H1-4: variants seen among roughly 807,000 people sequenced by gnomAD.
H1-4 encodes the protein H1.4 linker histone, cluster member.
H1-4 carries 9 observed loss-of-function variants against 7.2 expected under a neutral mutation model. The ratio of observed to expected loss-of-function variants is 1.25; its 90% CI spans 0.75 to 2.18. The LOEUF (loss-of-function observed/expected upper bound fraction) is 2.18, where lower values mean the gene tolerates loss of function less well. Ranked by LOEUF, H1-4 falls within the 30% of genes most tolerant of loss-of-function variation. The pLI is 0.00. For missense variants in H1-4, 646 were observed against 287.9 expected, an observed-to-expected ratio of 2.24 and a Z score of -9.00; for synonymous variants, 318 against 126.6, an observed-to-expected ratio of 2.51 and a Z score of -10.15.
chr6:26,156,599 G>C lies in H1-4; in HGVS notation c.209G>C (p.Gly70Ala), dbSNP rs374717617. ...AALKKALAAAGYDVEKNNSRI... is the reference protein window; with the variant it reads ...AALKKALAAAAYDVEKNNSRI... Reference sequence around the variant, plus strand: ...CTCAAGAAAGCGCTGGCAGCCGCTGGCTATGACGTGGAGAAGAACAACAGC... The same window carrying C: ...CTCAAGAAAGCGCTGGCAGCCGCTGCCTATGACGTGGAGAAGAACAACAGC... The change falls in exon 1 of 1, where the codon GGC becomes GCC. Residue 70 changes from glycine (G) to alanine (A), a missense_variant. Gly to Ala is a moderately conservative substitution (Grantham distance 60, BLOSUM62 0). Coordinates refer to ENST00000304218, the MANE Select transcript of H1-4 (RefSeq NM_005321.3). The C allele has an allele frequency of 6.2e-7, 1 of 1,614,226 alleles. No homozygotes were observed. The highest frequency in any genetic ancestry group is 8.5e-7 in the Non-Finnish European group (1 of 1,180,034).
In H1-4 at chr6:26,157,057, C is replaced by T. The variant is rs180689380; in HGVS notation, c.*7C>T. The T allele has an allele frequency of 1.3e-5, 21 of 1,578,572 alleles. No individual in the cohort carries two copies. The highest frequency in any genetic ancestry group is 4.5e-5 in the East Asian group (2 of 44,778). On this transcript the variant is annotated 3_prime_UTR_variant, in exon 1 of 1. Transcript: ENST00000304218. ...GGCAGCCAAGAAAAAGTAGAAAGTTCCTTTGGCCAACTGCTTAGAAGCCCA... is the reference window on the plus strand; with the variant it reads ...GGCAGCCAAGAAAAAGTAGAAAGTTTCTTTGGCCAACTGCTTAGAAGCCCA...
rs1299356360 is a variant in H1-4, at chr6:26,156,920, A to C, written c.530A>C (p.Lys177Thr). 1 of 1,611,246 alleles carries C rather than the reference A, an allele frequency of 6.2e-7. No individual in the cohort carries two copies. The highest frequency in any genetic ancestry group is 8.5e-7 in the Non-Finnish European group (1 of 1,179,520). Residue 177 changes from lysine (K) to threonine (T), a missense_variant, in exon 1 of 1, where the codon AAA (lysine) becomes ACA (threonine). By Grantham distance (78) the Lys-to-Thr change is moderately conservative. Coordinates refer to ENST00000304218, the MANE Select transcript of H1-4 (RefSeq NM_005321.3). ...AAAGCGAAAAGCCCGAAAAAGGCGA[A>C]AGCAGCCAAGCCAAAAAAGGCGCCC... ...AKKAKSPKKA[K>T]AAKPKKAPKS...
At position 26,157,018 on chromosome 6, in the gene H1-4, A is replaced by C. The variant is rs971662980; in HGVS notation, c.628A>C (p.Lys210Gln). 6.3e-7 allele frequency: 1 copy of C among 1,585,026 alleles called. No homozygotes were observed. The highest frequency in any genetic ancestry group is 1.4e-5 in the African/African-American group (1 of 72,730). The change falls in exon 1 of 1, where the codon AAG becomes CAG. Residue 210 changes from lysine to glutamine, a missense_variant. Lys to Gln is a moderately conservative substitution (Grantham distance 53). Coordinates refer to ENST00000304218, the MANE Select transcript of H1-4 (RefSeq NM_005321.3). ...KPKTAKPKAAKPKKAAAKKK is the reference protein window; with the variant it reads ...KPKTAKPKAAQPKKAAAKKK ...AAAGACCGCCAAGCCCAAGGCAGCCAAGCCAAAGAAGGCGGCAGCCAAGAA... is the reference window on the plus strand; with the variant it reads ...AAAGACCGCCAAGCCCAAGGCAGCCCAGCCAAAGAAGGCGGCAGCCAAGAA...
rs577879962 is a variant in H1-4 at position 26,156,938 on chromosome 6, A to G, written c.548A>G (p.Lys183Arg). The G allele has an allele frequency of 5.1e-5, 83 of 1,612,410 alleles. No individual in the cohort carries two copies. Among genetic ancestry groups the G allele is most frequent in the Middle Eastern group, 3.9e-4 (2 of 5,186 alleles). Residue 183 changes from lysine to arginine, a missense_variant, in exon 1 of 1, where the codon AAG becomes AGG. Transcript: ENST00000304218. ...AAGGCGAAAGCAGCCAAGCCAAAAAAGGCGCCCAAGAGCCCAGCGAAGGCC... is the reference window on the plus strand; with the variant it reads ...AAGGCGAAAGCAGCCAAGCCAAAAAGGGCGCCCAAGAGCCCAGCGAAGGCC... ...PKKAKAAKPK[K>R]APKSPAKAKA...
rs1226896448 is a variant in H1-4, at chr6:26,156,570, C to T, written c.180C>T (p.Ala60=). ...AGGAGCGCAGCGGCGTATCTTTGGC[C>T]GCTCTCAAGAAAGCGCTGGCAGCCG... ...ASKERSGVSL[A]ALKKALAAAG... The change falls in exon 1 of 1, where the codon GCC becomes GCT. Residue 60 remains alanine (A), a synonymous_variant. Coordinates refer to ENST00000304218, the MANE Select transcript of H1-4 (RefSeq NM_005321.3). The T allele has an allele frequency of 6.2e-6, 10 of 1,614,034 alleles. No homozygotes were observed. Among genetic ancestry groups the T allele is most frequent in the South Asian group, 1.1e-5 (1 of 91,092 alleles).
Position 26,156,681 on chromosome 6 carries a change from G to C in H1-4, c.291G>C (p.Lys97Asn), listed in dbSNP as rs774052008. 6.2e-7 allele frequency: 1 copy of C among 1,614,254 alleles called. No homozygotes were observed. The highest frequency in any genetic ancestry group is 1.3e-5 in the African/African-American group (1 of 75,086). The change falls in exon 1 of 1, where the codon AAG becomes AAC. Residue 97 changes from lysine (K) to asparagine (N), a missense_variant. Lys to Asn is a moderately conservative substitution (Grantham distance 94). Transcript: ENST00000304218. ...GCAAGGGCACCCTGGTGCAGACCAA[G>C]GGCACCGGCGCGTCGGGTTCCTTCA... Reference protein sequence around the residue: ...LVSKGTLVQTKGTGASGSFKL... With the variant: ...LVSKGTLVQTNGTGASGSFKL...
Position 26,156,793 on chromosome 6 carries a change from G to C in H1-4, c.403G>C (p.Ala135Pro). ...CAAGGCCAAGAAGCCAGCAGGAGCGGCGAAGAAGCCCAAGAAGGCGACGGG... is the reference window on the plus strand; with the variant it reads ...CAAGGCCAAGAAGCCAGCAGGAGCGCCGAAGAAGCCCAAGAAGGCGACGGG... Reference protein sequence around the residue: ...AAKAKKPAGAAKKPKKATGAA... With the variant: ...AAKAKKPAGAPKKPKKATGAA... Residue 135 changes from alanine (A) to proline (P), a missense_variant, in exon 1 of 1, where the codon GCG (alanine) becomes CCG (proline). Transcript: ENST00000304218. The C allele has an allele frequency of 1.2e-6, 2 of 1,611,542 alleles. No individual in the cohort carries two copies. The highest frequency in any genetic ancestry group is 1.1e-5 in the South Asian group (1 of 90,920).
In H1-4 at chr6:26,156,850, A is replaced by C. The variant is rs764900305; in HGVS notation, c.460A>C (p.Thr154Pro). 1 of 1,606,368 alleles carries C rather than the reference A, an allele frequency of 6.2e-7. No individual in the cohort carries two copies. Among genetic ancestry groups the C allele is most frequent in the Middle Eastern group, 1.8e-4 (1 of 5,442 alleles). The change falls in exon 1 of 1, where the codon ACC becomes CCC. Residue 154 changes from threonine to proline, a missense_variant. Transcript: ENST00000304218. Reference protein sequence around the residue: ...AATPKKSAKKTPKKAKKPAAA... With the variant: ...AATPKKSAKKPPKKAKKPAAA... ...CACCCCCAAGAAGAGCGCCAAGAAG[A>C]CCCCAAAGAAGGCGAAGAAGCCGGC...
chr6:26,156,984 G>C lies in H1-4; in HGVS notation c.594G>C (p.Ala198=), dbSNP rs751694148. The change falls in exon 1 of 1, where the codon GCG becomes GCC. Residue 198 remains alanine, a synonymous_variant. Transcript: ENST00000304218. ...PAKAKAVKPK[A]AKPKTAKPKA... The stretch of plus-strand genomic sequence containing the variant: ...AGGCCAAAGCAGTTAAACCCAAGGC[G>C]GCTAAACCAAAGACCGCCAAGCCCA... 6.2e-7 allele frequency: 1 copy of C among 1,607,608 alleles called. No homozygotes were observed. The highest frequency in any genetic ancestry group is 8.5e-7 in the Non-Finnish European group (1 of 1,178,654).
rs1233751189 is a variant in H1-4, at chr6:26,156,709, C to G, written c.319C>G (p.Leu107Val). The G allele has an allele frequency of 3.7e-6, 6 of 1,614,116 alleles. No homozygotes were observed. Among genetic ancestry groups the G allele is most frequent in the Admixed American group, 1.7e-5 (1 of 60,004 alleles). ...KGTGASGSFK[L>V]NKKAASGEAK... ...CACCGGCGCGTCGGGTTCCTTCAAA[C>G]TCAACAAGAAGGCGGCCTCTGGGGA... is the stretch of plus-strand genomic sequence containing the variant. Residue 107 changes from leucine (L) to valine (V), a missense_variant, in exon 1 of 1, where the codon CTC becomes GTC. Coordinates refer to ENST00000304218, the MANE Select transcript of H1-4 (RefSeq NM_005321.3).
rs1318259138 is a variant in H1-4 at position 26,156,461 on chromosome 6, C to T, written c.71C>T (p.Ala24Val). ...GAGAAGACTCCCGTGAAGAAGAAGG[C>T]CCGCAAGTCTGCAGGTGCGGCCAAG... is the stretch of plus-strand genomic sequence containing the variant. ...PAEKTPVKKK[A>V]RKSAGAAKRK... Residue 24 changes from alanine (A) to valine (V), a missense_variant, in exon 1 of 1, where the codon GCC becomes GTC. Transcript: ENST00000304218. 6 of 1,612,548 alleles carry T rather than the reference C, an allele frequency of 3.7e-6. No homozygotes were observed. The highest frequency in any genetic ancestry group is 1.7e-5 in the Admixed American group (1 of 59,948).
rs151006379 is a variant in H1-4, at chr6:26,157,035, A to T, written c.645A>T (p.Ala215=). 1.5e-4 allele frequency: 242 copies of T among 1,581,608 alleles called. 3 individuals are homozygous for T. The highest frequency in any genetic ancestry group is 9.6e-4 in the East Asian group (43 of 44,780). Residue 215 remains alanine (A), a synonymous_variant, in exon 1 of 1, where the codon GCA becomes GCT. Transcript: ENST00000304218. ...KPKAAKPKKA[A]AKKK ...AGGCAGCCAAGCCAAAGAAGGCGGC[A>T]GCCAAGAAAAAGTAGAAAGTTCCTT...
rs758313173 is a variant in H1-4, at chr6:26,156,857, A to C, written c.467A>C (p.Lys156Thr). 6.2e-7 allele frequency: 1 copy of C among 1,607,610 alleles called. No homozygotes were observed. Among genetic ancestry groups the C allele is most frequent in the Non-Finnish European group, 8.5e-7 (1 of 1,177,582 alleles). The change falls in exon 1 of 1, where the codon AAG (lysine) becomes ACG (threonine). Residue 156 changes from lysine (K) to threonine (T), a missense_variant. Physicochemically the swap from Lys to Thr is moderately conservative, Grantham distance 78 (BLOSUM62 -1). Transcript: ENST00000304218. ...AAGAAGAGCGCCAAGAAGACCCCAA[A>C]GAAGGCGAAGAAGCCGGCTGCAGCT... ...TPKKSAKKTP[K>T]KAKKPAAAAG...
In H1-4 at chr6:26,156,975, A is replaced by C. The variant is rs776253773; in HGVS notation, c.585A>C (p.Lys195Asn). 1 of 1,610,552 alleles carries C rather than the reference A, an allele frequency of 6.2e-7. No homozygotes were observed. Among genetic ancestry groups the C allele is most frequent in the Admixed American group, 1.7e-5 (1 of 59,134 alleles). Reference sequence around the variant, plus strand: ...GCCCAGCGAAGGCCAAAGCAGTTAAACCCAAGGCGGCTAAACCAAAGACCG... The same window carrying C: ...GCCCAGCGAAGGCCAAAGCAGTTAACCCCAAGGCGGCTAAACCAAAGACCG... ...PKSPAKAKAVKPKAAKPKTAK... is the reference protein window; with the variant it reads ...PKSPAKAKAVNPKAAKPKTAK... The change falls in exon 1 of 1, where the codon AAA becomes AAC. Residue 195 changes from lysine to asparagine, a missense_variant. Physicochemically the swap from Lys to Asn is moderately conservative, Grantham distance 94. Coordinates refer to ENST00000304218, the MANE Select transcript of H1-4 (RefSeq NM_005321.3).
Position 26,156,697 on chromosome 6 carries a change from G to C in H1-4, c.307G>C (p.Gly103Arg), listed in dbSNP as rs1332633285. 2 of 1,614,236 alleles carry C rather than the reference G, an allele frequency of 1.2e-6. No individual in the cohort carries two copies. The highest frequency in any genetic ancestry group is 1.1e-5 in the South Asian group (1 of 91,086). ...GCAGACCAAGGGCACCGGCGCGTCG[G>C]GTTCCTTCAAACTCAACAAGAAGGC... is the stretch of plus-strand genomic sequence containing the variant. Reference protein sequence around the residue: ...LVQTKGTGASGSFKLNKKAAS... With the variant: ...LVQTKGTGASRSFKLNKKAAS... The change falls in exon 1 of 1, where the codon GGT (glycine) becomes CGT (arginine). Residue 103 changes from glycine to arginine, a missense_variant. Coordinates refer to ENST00000304218, the MANE Select transcript of H1-4 (RefSeq NM_005321.3).
At position 26,156,857 on chromosome 6, in the gene H1-4, A is replaced by G. The variant is rs758313173; in HGVS notation, c.467A>G (p.Lys156Arg). ...AAGAAGAGCGCCAAGAAGACCCCAA[A>G]GAAGGCGAAGAAGCCGGCTGCAGCT... Reference protein sequence around the residue: ...TPKKSAKKTPKKAKKPAAAAG... With the variant: ...TPKKSAKKTPRKAKKPAAAAG... The change falls in exon 1 of 1, where the codon AAG (lysine) becomes AGG (arginine). Residue 156 changes from lysine (K) to arginine (R), a missense_variant. Transcript: ENST00000304218. 1.2e-6 allele frequency: 2 copies of G among 1,607,610 alleles called. No individual in the cohort carries two copies. The highest frequency in any genetic ancestry group is 1.1e-5 in the South Asian group (1 of 90,684).
Position 26,156,351 on chromosome 6 carries a change from C to G in H1-4, c.-40C>G. On this transcript the variant is annotated 5_prime_UTR_variant, in exon 1 of 1. Transcript: ENST00000304218. ...GCTCGAGTCCCGGCCAGTGCCTCTG[C>G]TTCCGGCTCGAATTGCTCTCGCTCA... 2 of 1,511,300 alleles carry G rather than the reference C, an allele frequency of 1.3e-6. No homozygotes were observed. Among genetic ancestry groups the G allele is most frequent in the Non-Finnish European group, 1.8e-6 (2 of 1,133,596 alleles). 93.6% of individuals were successfully genotyped at this position (1,511,300 alleles called of 1,614,324 possible).
Position 26,156,790 on chromosome 6 carries a change from G to A in H1-4, c.400G>A (p.Ala134Thr), listed in dbSNP as rs1324625016. The A allele has an allele frequency of 1.2e-6, 2 of 1,611,914 alleles. No homozygotes were observed. Among genetic ancestry groups the A allele is most frequent in the African/African-American group, 1.3e-5 (1 of 75,000 alleles). ...GAAKAKKPAGAAKKPKKATGA... is the reference protein window; with the variant it reads ...GAAKAKKPAGTAKKPKKATGA... ...GGCCAAGGCCAAGAAGCCAGCAGGAGCGGCGAAGAAGCCCAAGAAGGCGAC... is the reference window on the plus strand; with the variant it reads ...GGCCAAGGCCAAGAAGCCAGCAGGAACGGCGAAGAAGCCCAAGAAGGCGAC... Residue 134 changes from alanine (A) to threonine (T), a missense_variant, in exon 1 of 1, where the codon GCG becomes ACG. Transcript: ENST00000304218.
In H1-4 at chr6:26,156,438, G is replaced by A. The variant is rs1295202791; in HGVS notation, c.48G>A (p.Glu16=). The part of the protein sequence containing the change: ...PAAPAAPAPA[E]KTPVKKKARK... ...CGCCCGCTGCTCCGGCCCCTGCCGA[G>A]AAGACTCCCGTGAAGAAGAAGGCCC... Residue 16 remains glutamate, a synonymous_variant, in exon 1 of 1, where the codon GAG becomes GAA. Transcript: ENST00000304218. 3.1e-6 allele frequency: 5 copies of A among 1,608,568 alleles called. No individual in the cohort carries two copies. Among genetic ancestry groups the A allele is most frequent in the East Asian group, 2.2e-5 (1 of 44,802 alleles).
Sources: gnomAD v4.1 joint callset for allele counts on GRCh38, gnomAD v4.1.1 for gene constraint, MANE v1.5 for transcripts, NCBI Gene and HGNC (gene_info 2026-07-23, HGNC 2026-07-21) for gene names.